PFKP: variants seen among roughly 807,000 people sequenced by gnomAD.
The protein encoded by PFKP is ATP-dependent 6-phosphofructokinase, platelet type.
Under a neutral mutation model 94.3 loss-of-function variants are expected in PFKP, and 101 were observed. The observed-to-expected ratio is 1.07, with a 90% confidence interval of 0.91 to 1.26. The LOEUF (loss-of-function observed/expected upper bound fraction) is 1.26. Among genes scored for constraint, PFKP ranks in the 50% most tolerant of loss-of-function variants. The probability of loss-of-function intolerance (pLI) is 0.00; values close to 1 mark genes in which losing one functional copy is unlikely to be tolerated. For missense variants in PFKP, 1,145 were observed against 1,103.3 expected, an observed-to-expected ratio of 1.04 and a Z score of -0.53; for synonymous variants, 573 against 432.6, an observed-to-expected ratio of 1.32 and a Z score of -4.03.
In PFKP at chr10:3,095,851, G is replaced by A. The variant is rs373480174; in HGVS notation, c.187-3424G>A. 1.4e-4 allele frequency among the ~76,000 whole-genome samples: 21 copies of A among 152,336 alleles called. 2 individuals carry two copies. The East Asian group carries it at 3.1e-3, about 22-fold the overall frequency. On this transcript the variant is annotated intron_variant, in intron 2 of 21. Transcript: ENST00000381125. ...GCTTTTCACATGTTCCATGGGCGTCGTGACTTTGCAAATTAAAGAATGAGT... is the reference window on the plus strand; with the variant it reads ...GCTTTTCACATGTTCCATGGGCGTCATGACTTTGCAAATTAAAGAATGAGT...
chr10:3,118,290 A>C (rs1326412544), intron 14 of PFKP, among the ~76,000 whole-genome samples: 2 of 152,034 alleles, frequency 1.3e-5, no homozygotes, highest in Non-Finnish European at 2.9e-5. Flanking sequence ...AACATGGTGA[A>C]ACCCTGTCTC....
At chr10:3,082,595 C>A (rs776683458) in intron 2 of PFKP, 134 bp downstream of exon 2, 6 of 502,576 alleles carry the variant, frequency 1.2e-5, no homozygotes, top group African/African-American at 3.9e-5. Flanking sequence ...CAAGATCCTG[C>A]CAGCCAGGGC....
Position 3,113,382 on chromosome 10 carries a change from A to C in PFKP, c.1235A>C (p.Asn412Thr). Residue 412 changes from asparagine to threonine, a missense_variant, in exon 13 of 22, where the codon AAC (asparagine) becomes ACC (threonine). Coordinates refer to ENST00000381125, the MANE Select transcript of PFKP (RefSeq NM_002627.5). Reference sequence around the variant, plus strand: ...CCTTCTGTTTTGCAGACCAATTGCAACGTAGCTGTCATCAACGTGGGGGCA... The same window carrying C: ...CCTTCTGTTTTGCAGACCAATTGCACCGTAGCTGTCATCAACGTGGGGGCA... ...PDDQIPKTNC[N>T]VAVINVGAPA... is the part of the protein sequence containing the mutation. 2 of 1,589,172 alleles carry C rather than the reference A, an allele frequency of 1.3e-6. No homozygotes were observed. The highest frequency in any genetic ancestry group is 1.7e-6 in the Non-Finnish European group (2 of 1,164,768).
At chr10:3,115,787 G>T (rs1184686631) in intron 13 of PFKP, among the ~76,000 whole-genome samples, 1 of 152,160 alleles carries the variant, frequency 6.6e-6, no homozygotes, top group African/African-American at 2.4e-5. Flanking sequence ...GATTCCTCAG[G>T]GCGCCATTGT....
intron 1 of PFKP, chr10:3,070,456 C>A (rs1222046800): frequency 6.6e-6 from 1 of 152,130 alleles, no homozygotes; most frequent in Non-Finnish European, 1.5e-5. Context: ...TTCACATTCA[C>A]GTATTAATTT....
At chr10:3,081,977 CTTTTTTTTTTTTTT>C (rs547880338) in intron 1 of PFKP, among the ~76,000 whole-genome samples, 18 of 68,432 alleles carry the variant, frequency 2.6e-4, no homozygotes, top group Middle Eastern at 0.013. Flanking sequence ...AGCCCATTGC[CTTTTTTTTTTTTTT>C]TTTTTTTTTT....
In PFKP at chr10:3,132,468, C is replaced by G. The variant is rs746155870; in HGVS notation, c.1910+27C>G. On this transcript the variant is annotated intron_variant, in intron 18 of 21. Transcript: ENST00000381125. ...TGAGAGAGAGAGACCAGGGGCTGATCTTACCCTCACCGCCACACCCTGGTT... is the reference window on the plus strand; with the variant it reads ...TGAGAGAGAGAGACCAGGGGCTGATGTTACCCTCACCGCCACACCCTGGTT... 7.1e-5 allele frequency: 107 copies of G among 1,499,660 alleles called. No individual in the cohort carries two copies. The South Asian group carries it at 1.1e-3, about 16-fold the overall frequency. 92.9% of individuals were successfully genotyped at this position (1,499,660 alleles called of 1,614,324 possible).
intron 10 of PFKP, 114 bp downstream of exon 10, chr10:3,109,594 C>G: frequency 7.6e-7 from 1 of 1,312,084 alleles, no homozygotes; most frequent in Non-Finnish European, 1.0e-6. Flanking sequence ...CATTACACGG[C>G]CTTTCTGAGA....
rs1244211992 is a variant in PFKP, at chr10:3,067,586, C to T, written c.-10C>T. On this transcript the variant is annotated 5_prime_UTR_variant, in exon 1 of 22. Transcript: ENST00000381125. ...CACCCGGACGTGCGGCTCCCCTCGG[C>T]CTCCTCGCCATGGACGCGGACGACT... The T allele has an allele frequency of 4.1e-6, 6 of 1,466,664 alleles. No homozygotes were observed. Among genetic ancestry groups the T allele is most frequent in the Non-Finnish European group, 5.5e-6 (6 of 1,085,152 alleles). 90.9% of individuals were successfully genotyped at this position (1,466,664 alleles called of 1,614,324 possible). A position where few individuals can be genotyped will look rare whatever the true frequency, so the allele number is the denominator to read the frequency against.
intron 3 of PFKP, chr10:3,101,055 G>C (rs1013847308): frequency 7.3e-7 from 1 of 1,375,108 alleles, no homozygotes; most frequent in Non-Finnish European, 1.0e-6. Context: ...GTTGGCCGGT[G>C]CTGAGGCGGC....
chr10:3,133,341 ACAAAGCCC>A, intron 19 of PFKP, 27 bp downstream of exon 19: 1 of 1,380,728 alleles, frequency 7.2e-7, no homozygotes, highest in Non-Finnish European at 1.0e-6. Context: ...ATGAGGGGCC[ACAAAGCCC>A]CTGTCATGTG....
At chr10:3,072,902 A>G (rs1274144120) in intron 1 of PFKP, among the ~76,000 whole-genome samples, 2 of 151,998 alleles carry the variant, frequency 1.3e-5, no homozygotes, top group South Asian at 2.1e-4. Context: ...GCGGGTGAAT[A>G]TAGAACAGAG....
intron 3 of PFKP, among the ~76,000 whole-genome samples, chr10:3,100,469 TAGTG>T (rs1834886229): frequency 6.6e-6 from 1 of 152,264 alleles, no homozygotes; most frequent in African/African-American, 2.4e-5. Flanking sequence ...TTTGGAATAT[TAGTG>T]AGTCTCTGTG....
chr10:3,105,066 T>G, intron 5 of PFKP, 49 bp from the exon 6 acceptor site: 1 of 1,583,594 alleles, frequency 6.3e-7, no homozygotes, highest in Non-Finnish European at 8.7e-7. Flanking sequence ...CTCCCTCTGT[T>G]TCTCTGCTTT....
In PFKP at chr10:3,108,820, C is replaced by T. The variant is rs1426925115; in HGVS notation, c.963+27C>T. The T allele has an allele frequency of 2.7e-6, 4 of 1,489,110 alleles. No homozygotes were observed. The South Asian group carries it at 3.4e-5, about 13-fold the overall frequency. 92.2% of individuals were successfully genotyped at this position (1,489,110 alleles called of 1,614,324 possible). The stretch of plus-strand genomic sequence containing the variant: ...TGAGTTGGGAAGGGTTGGGCATCTT[C>T]ACAAGGTCTCTAGGAGGAAGCGTTT... On this transcript the variant is annotated intron_variant, in intron 9 of 21. Transcript: ENST00000381125.
chr10:3,097,651 C>A (rs1834599115), intron 2 of PFKP, among the ~76,000 whole-genome samples: 1 of 152,268 alleles, frequency 6.6e-6, no homozygotes, highest in Admixed American at 6.5e-5. Context: ...GTTTTGGGTT[C>A]TGTTCCATTC....
chr10:3,115,247 G>A lies in PFKP; in HGVS notation c.1372-1529G>A, dbSNP rs192542013. Among the ~76,000 whole-genome samples, 150 of 146,676 alleles carry A rather than the reference G, an allele frequency of 1.0e-3. 1 individual carries two copies. Among genetic ancestry groups the A allele is most frequent in the African/African-American group, 3.3e-3 (134 of 40,158 alleles). ...GTGTGTGTCCCACGGCCGAGGACAGGACTGGGGATGCTGGGGTGAAAGTGT... is the reference window on the plus strand; with the variant it reads ...GTGTGTGTCCCACGGCCGAGGACAGAACTGGGGATGCTGGGGTGAAAGTGT... On this transcript the variant is annotated intron_variant, in intron 13 of 21. Coordinates refer to ENST00000381125, the MANE Select transcript of PFKP (RefSeq NM_002627.5).
intron 16 of PFKP, among the ~76,000 whole-genome samples, chr10:3,127,051 C>T (rs929743274): frequency 9.2e-5 from 14 of 152,268 alleles, no homozygotes; most frequent in African/African-American, 2.9e-4. Context: ...CAGGCAGGGC[C>T]GCGCTTGGGA....
At chr10:3,080,361 C>CA (rs1337135682) in intron 1 of PFKP, among the ~76,000 whole-genome samples, 2 of 151,734 alleles carry the variant, frequency 1.3e-5, no homozygotes, top group Non-Finnish European at 2.9e-5. Flanking sequence ...ACTAAAAATA[C>CA]AAAAAATTAG....
Sources: allele counts gnomAD v4.1 joint callset (sites outside exome capture counted in the v4.1 genomes callset), GRCh38; gene constraint gnomAD v4.1.1; transcripts MANE v1.5; gene names NCBI Gene and HGNC (gene_info 2026-07-23, HGNC 2026-07-21).